SSBP2: variants seen among roughly 807,000 people sequenced by gnomAD.
SSBP2 encodes the protein single stranded DNA binding protein 2.
Under a neutral mutation model 61.8 loss-of-function variants are expected in SSBP2, and 17 were observed. The observed-to-expected ratio is 0.28, with a 90% CI of 0.19 to 0.41. The LOEUF (loss-of-function observed/expected upper bound fraction) is 0.41. Among genes scored for constraint, SSBP2 ranks in the 10% least tolerant of loss-of-function variants. The pLI is 1.00. For missense variants in SSBP2, 310 were observed against 458.7 expected, an observed-to-expected ratio of 0.68 and a Z score of 2.96; for synonymous variants, 139 against 141.3, an observed-to-expected ratio of 0.98 and a Z score of 0.12.
chr5:81,425,000 T>C (rs559915951), intron 16 of SSBP2, among the ~76,000 whole-genome samples: 5 of 152,212 alleles, frequency 3.3e-5, no homozygotes, highest in Admixed American at 1.3e-4. Context: ...ATAAAACAGC[T>C]CTTACAAAGC....
intron 10 of SSBP2, among the ~76,000 whole-genome samples, chr5:81,458,115 A>T (rs751501386): frequency 6.6e-6 from 1 of 151,958 alleles, no homozygotes; most frequent in Admixed American, 6.5e-5. Context: ...AAACAAACAA[A>T]CAACCTCCCG....
chr5:81,686,026 A>C (rs1252364127), intron 1 of SSBP2, among the ~76,000 whole-genome samples: 2 of 152,356 alleles, frequency 1.3e-5, no homozygotes, highest in East Asian at 3.9e-4. Context: ...ATTTCCCAAA[A>C]GGTTAGACAG....
intron 1 of SSBP2, among the ~76,000 whole-genome samples, chr5:81,748,760 G>GAT (rs1757516661): frequency 6.6e-6 from 1 of 152,176 alleles, no homozygotes; most frequent in Non-Finnish European, 1.5e-5. Flanking sequence ...CACGAGAGTA[G>GAT]ATATTACTTG....
chr5:81,701,941 A>G (rs923433827), intron 1 of SSBP2, among the ~76,000 whole-genome samples: 2 of 152,212 alleles, frequency 1.3e-5, no homozygotes, highest in Non-Finnish European at 2.9e-5. Flanking sequence ...AAAGTTTAGA[A>G]AATATTGCAT....
chr5:81,498,362 C>T (rs1767447320), intron 5 of SSBP2, among the ~76,000 whole-genome samples: 1 of 152,062 alleles, frequency 6.6e-6, no homozygotes. Flanking sequence ...ATCTATCTCA[C>T]TTGGACCTGT....
At chr5:81,653,998 GTTTTT>G (rs144058292) in intron 1 of SSBP2, among the ~76,000 whole-genome samples, 1 of 146,348 alleles carries the variant, frequency 6.8e-6, no homozygotes, top group African/African-American at 2.5e-5. Flanking sequence ...TTTTTGTTTT[GTTTTT>G]TTTTTTGAGA....
intron 6 of SSBP2, among the ~76,000 whole-genome samples, chr5:81,482,993 C>A (rs1766107727): frequency 6.6e-6 from 1 of 152,106 alleles, no homozygotes; most frequent in South Asian, 2.1e-4. Flanking sequence ...AATTTCAATA[C>A]TGTTGTGTCT....
At chr5:81,661,491 T>A (rs1160247043) in intron 1 of SSBP2, among the ~76,000 whole-genome samples, 1 of 150,130 alleles carries the variant, frequency 6.7e-6, no homozygotes, top group African/African-American at 2.5e-5. Flanking sequence ...TTCCCTTTCA[T>A]CCACATCCTC....
intron 5 of SSBP2, among the ~76,000 whole-genome samples, chr5:81,511,118 C>T (rs1186604822): frequency 2.0e-5 from 3 of 152,126 alleles, no homozygotes; most frequent in Non-Finnish European, 4.4e-5. Flanking sequence ...CTTCCCCTCT[C>T]TTCCTTTGCC....
At chr5:81,751,311 C>T, upstream of SSBP2, 1 of 561,842 alleles carries the variant, frequency 1.8e-6, no homozygotes, top group East Asian at 3.0e-5. Flanking sequence ...TCCCGCCTTC[C>T]CTCTCCGCTC....
intron 4 of SSBP2, among the ~76,000 whole-genome samples, chr5:81,549,873 G>T (rs752924641): frequency 5.9e-5 from 9 of 152,128 alleles, no homozygotes; most frequent in Admixed American, 1.3e-4. Flanking sequence ...TGGCACTAAG[G>T]TTTGGTTTTT....
At chr5:81,600,576 A>AC (rs1295996734) in intron 4 of SSBP2, among the ~76,000 whole-genome samples, 4 of 150,890 alleles carry the variant, frequency 2.7e-5, no homozygotes, top group African/African-American at 7.3e-5. Context: ...AAAAAAAAAA[A>AC]AAAACAAAAA....
intron 15 of SSBP2, among the ~76,000 whole-genome samples, chr5:81,434,373 G>A (rs1173099062): frequency 6.6e-6 from 1 of 151,890 alleles, no homozygotes; most frequent in Non-Finnish European, 1.5e-5. Flanking sequence ...ATTACCAGGC[G>A]ATGGCCGGGC....
chr5:81,429,237 G>T (rs1190370885), intron 15 of SSBP2, among the ~76,000 whole-genome samples: 1 of 152,206 alleles, frequency 6.6e-6, no homozygotes, highest in Non-Finnish European at 1.5e-5. Context: ...CTTAGGACTT[G>T]AGAATTTATT....
At chr5:81,667,108 A>C (rs2153770101) in intron 1 of SSBP2, among the ~76,000 whole-genome samples, 1 of 152,292 alleles carries the variant, frequency 6.6e-6, no homozygotes, top group South Asian at 2.1e-4. Flanking sequence ...AAGGGGAAAA[A>C]ATAGGTGGAG....
At chr5:81,635,729 G>T (rs1230352307) in intron 3 of SSBP2, among the ~76,000 whole-genome samples, 1 of 151,918 alleles carries the variant, frequency 6.6e-6, no homozygotes, top group African/African-American at 2.4e-5. Flanking sequence ...GACTACAGGT[G>T]CCCGCCACCA....
At chr5:81,532,514 TATAA>T (rs1299206024) in intron 4 of SSBP2, among the ~76,000 whole-genome samples, 1 of 151,882 alleles carries the variant, frequency 6.6e-6, no homozygotes, top group Non-Finnish European at 1.5e-5. Context: ...GATTAGATAG[TATAA>T]ATAAATGGAA....
At chr5:81,645,172 G>A (rs756604843) in intron 2 of SSBP2, among the ~76,000 whole-genome samples, 5 of 152,192 alleles carry the variant, frequency 3.3e-5, no homozygotes, top group Admixed American at 6.5e-5. Flanking sequence ...TAAATAAGAT[G>A]TAGAACATAA....
At chr5:81,710,196 A>G (rs923623082) in intron 1 of SSBP2, among the ~76,000 whole-genome samples, 2 of 152,102 alleles carry the variant, frequency 1.3e-5, no homozygotes, top group African/African-American at 2.4e-5. Flanking sequence ...CCATGGTCCA[A>G]TTATAATGGG....
Sources: gnomAD v4.1 joint callset for allele counts (sites outside exome capture counted in the v4.1 genomes callset) on GRCh38, gnomAD v4.1.1 for gene constraint, MANE v1.5 for transcripts, NCBI Gene and HGNC (gene_info 2026-07-23, HGNC 2026-07-21) for gene names.